The following RASGRF2 variants were observed in gnomAD, a reference collection of about 807,000 sequenced individuals.
RASGRF2 encodes ras-specific guanine nucleotide-releasing factor 2.
In RASGRF2, 76 loss-of-function variants were observed where a neutral mutation model predicts 151.0. That is an observed-to-expected ratio of 0.50 (90% CI 0.42 to 0.61). RASGRF2 has a LOEUF of 0.61. Among genes scored for constraint, RASGRF2 ranks in the 20% least tolerant of loss-of-function variants. RASGRF2 has a pLI of 0.00. For synonymous variants in RASGRF2, 504 were observed against 566.5 expected (o/e 0.89, Z 1.57); for missense variants, 1,148 against 1,564.6 (o/e 0.73, Z 4.49).
Position 81,092,843 on chromosome 5 carries a change from G to GGC in RASGRF2, c.1433_1434insGC (p.Ser478ArgfsTer11). On this transcript the variant is annotated frameshift_variant, in exon 10 of 27. Transcript: ENST00000265080. LOFTEE classifies it high-confidence loss of function. ...CCTTCCGTTGAGAGGGGGAAACTTA[G>GGC]TAAAGTTCGCCTGGGTTCGTTGTCT... 1 of 1,613,630 alleles carries GGC rather than the reference G, an allele frequency of 6.2e-7. No individual in the cohort carries two copies. Among genetic ancestry groups the GGC allele is most frequent in the East Asian group, 2.2e-5 (1 of 44,860 alleles).
In RASGRF2 at chr5:81,067,288, A is replaced by G. The variant is rs1300124113; in HGVS notation, c.396-744A>G. On this transcript the variant is annotated intron_variant, in intron 2 of 26. Transcript: ENST00000265080. The stretch of plus-strand genomic sequence containing the variant: ...ATATGCATGGAAGAATATCCATTTC[A>G]TCATCCTGAATGATGCAAGAAGATC... 3.3e-5 allele frequency among the ~76,000 whole-genome samples: 5 copies of G among 152,226 alleles called. No individual in the cohort carries two copies. In the East Asian group the frequency reaches 7.7e-4, roughly 23 times the overall value.
chr5:81,132,854 G>T (rs1034881491), intron 17 of RASGRF2, among the ~76,000 whole-genome samples: 2 of 152,124 alleles, frequency 1.3e-5, no homozygotes, highest in African/African-American at 4.8e-5. Context: ...CACACCTCAA[G>T]GAAAATAATA....
chr5:81,213,252 C>T (rs1755663343), intron 23 of RASGRF2, among the ~76,000 whole-genome samples: 1 of 152,170 alleles, frequency 6.6e-6, no homozygotes, highest in Admixed American at 6.5e-5. Flanking sequence ...TGTGAATTGC[C>T]TGTACCTGGT....
At chr5:81,030,905 A>G (rs1750218796) in intron 1 of RASGRF2, among the ~76,000 whole-genome samples, 1 of 152,218 alleles carries the variant, frequency 6.6e-6, no homozygotes, top group Admixed American at 6.5e-5. Flanking sequence ...CAGGAGACCC[A>G]TCTCACGTGC....
intron 18 of RASGRF2, among the ~76,000 whole-genome samples, chr5:81,182,742 A>C (rs750962256): frequency 6.6e-6 from 1 of 152,206 alleles, no homozygotes; most frequent in Non-Finnish European, 1.5e-5. Context: ...GGGCCATTTC[A>C]TTCAGAAGAT....
At chr5:81,195,121 G>A (rs570646866) in intron 18 of RASGRF2, among the ~76,000 whole-genome samples, 18 of 152,198 alleles carry the variant, frequency 1.2e-4, no homozygotes, top group African/African-American at 4.3e-4. Flanking sequence ...TGGCGCATGA[G>A]GCTTCGTGCG....
At chr5:81,060,067 A>G (rs1348828096) in intron 2 of RASGRF2, among the ~76,000 whole-genome samples, 1 of 152,130 alleles carries the variant, frequency 6.6e-6, no homozygotes, top group Non-Finnish European at 1.5e-5. Flanking sequence ...GATGCCACAC[A>G]TTTTTAAACA....
At chr5:81,142,319 C>T (rs1434498681) in intron 17 of RASGRF2, among the ~76,000 whole-genome samples, 1 of 152,086 alleles carries the variant, frequency 6.6e-6, no homozygotes, top group Non-Finnish European at 1.5e-5. Flanking sequence ...ATGTGCTGCA[C>T]GTGTGAATGG....
chr5:80,962,280 A>G (rs1747586474), intron 1 of RASGRF2, among the ~76,000 whole-genome samples: 1 of 152,240 alleles, frequency 6.6e-6, no homozygotes, highest in Non-Finnish European at 1.5e-5. Flanking sequence ...GTTCAGAGTC[A>G]TTTGAAAAAC....
chr5:81,102,740 A>C (rs1405630863), intron 12 of RASGRF2, among the ~76,000 whole-genome samples: 1 of 152,078 alleles, frequency 6.6e-6, no homozygotes, highest in Non-Finnish European at 1.5e-5. Flanking sequence ...ACATATTTGA[A>C]ATCAGACTTA....
chr5:81,038,545 A>T (rs72769267), intron 1 of RASGRF2, among the ~76,000 whole-genome samples: 16,316 of 149,868 alleles, frequency 0.11, 1,183 homozygotes, highest in Non-Finnish European at 0.16. Context: ...GTTTTAAAAA[A>T]ATATTGATTT....
At chr5:81,186,176 A>G (rs1243612976) in intron 18 of RASGRF2, among the ~76,000 whole-genome samples, 1 of 152,216 alleles carries the variant, frequency 6.6e-6, no homozygotes, top group African/African-American at 2.4e-5. Context: ...TTCAGTTAAC[A>G]TGCTTTTTGG....
At chr5:81,179,433 A>G (rs183987449) in intron 17 of RASGRF2, among the ~76,000 whole-genome samples, 1 of 152,308 alleles carries the variant, frequency 6.6e-6, no homozygotes. Flanking sequence ...AGGGTGGGAG[A>G]ACAGTGATTT....
At chr5:81,116,908 C>CA (rs1412441903) in intron 15 of RASGRF2, among the ~76,000 whole-genome samples, 1 of 152,138 alleles carries the variant, frequency 6.6e-6, no homozygotes, top group Non-Finnish European at 1.5e-5. Context: ...ATGCAGTATG[C>CA]AGATACTACA....
intron 18 of RASGRF2, among the ~76,000 whole-genome samples, chr5:81,180,603 G>T (rs1754893526): frequency 6.6e-6 from 1 of 152,062 alleles, no homozygotes; most frequent in African/African-American, 2.4e-5. Context: ...CCTACCCTGG[G>T]AGCACTTTTC....
intron 1 of RASGRF2, among the ~76,000 whole-genome samples, chr5:80,979,564 A>G (rs1441023516): frequency 1.3e-5 from 2 of 152,178 alleles, no homozygotes; most frequent in African/African-American, 4.8e-5. Context: ...TGTACTAATT[A>G]TTTCCCTAAA....
chr5:81,195,707 C>T (rs1755250220), intron 18 of RASGRF2, among the ~76,000 whole-genome samples: 1 of 152,104 alleles, frequency 6.6e-6, no homozygotes. Flanking sequence ...TGTTCCAGAT[C>T]CCCTGAATCA....
At chr5:81,157,072 AG>A (rs1228647423) in intron 17 of RASGRF2, among the ~76,000 whole-genome samples, 1 of 152,248 alleles carries the variant, frequency 6.6e-6, no homozygotes, top group African/African-American at 2.4e-5. Flanking sequence ...ATCATTAAAA[AG>A]AATCAACTAC....
chr5:81,123,881 T>C, intron 16 of RASGRF2, 114 bp downstream of exon 16: 1 of 1,337,396 alleles, frequency 7.5e-7, no homozygotes, highest in Non-Finnish European at 1.0e-6. Context: ...GTCTCACTTA[T>C]TGAAAATTAA....
Sources: gnomAD v4.1 joint callset for allele counts (sites outside exome capture counted in the v4.1 genomes callset) on GRCh38, gnomAD v4.1.1 for gene constraint, MANE v1.5 for transcripts, NCBI Gene and HGNC (gene_info 2026-07-23, HGNC 2026-07-21) for gene names.